Variants in TMEM132C observed in about 807,000 individuals in gnomAD.
The protein encoded by TMEM132C is transmembrane protein 132C.
Under a neutral mutation model 61.4 loss-of-function variants are expected in TMEM132C, and 29 were observed. That is an observed-to-expected ratio of 0.47 (90% confidence interval 0.35 to 0.64). The LOEUF (loss-of-function observed/expected upper bound fraction) is 0.64. Among genes scored for constraint, TMEM132C ranks in the 30% least tolerant of loss-of-function variants. TMEM132C has a pLI of 0.00. For synonymous variants in TMEM132C, 656 were observed against 633.1 expected, an observed-to-expected ratio of 1.04 and a Z score of -0.54; for missense variants, 1,408 against 1,476.9, an observed-to-expected ratio of 0.95 and a Z score of 0.76.
At position 128,669,412 on chromosome 12, in the gene TMEM132C, G is replaced by T. The variant is rs113236544; in HGVS notation, c.1306-5G>T. The T allele has an allele frequency of 3.4e-5, 53 of 1,551,300 alleles. No homozygotes were observed. In the Middle Eastern group the frequency reaches 5.0e-4, roughly 15 times the overall value. ...TGACCCAGTGTGTTTGATTCTTTTT[G>T]GCAGGACACTGAAATTCTGAACACC... is the stretch of plus-strand genomic sequence containing the variant. On this transcript the variant is annotated splice_polypyrimidine_tract_variant and splice_region_variant and intron_variant, in intron 4 of 8. Transcript: ENST00000435159.
At chr12:128,595,293 T>A (rs1174575139) in intron 3 of TMEM132C, among the ~76,000 whole-genome samples, 11 of 151,894 alleles carry the variant, frequency 7.2e-5, no homozygotes, top group Non-Finnish European at 1.6e-4. Context: ...GATGAAAGAG[T>A]TTGACATGAT....
At chr12:128,450,292 G>A (rs927484546) in intron 2 of TMEM132C, among the ~76,000 whole-genome samples, 1 of 152,106 alleles carries the variant, frequency 6.6e-6, no homozygotes, top group Non-Finnish European at 1.5e-5. Flanking sequence ...ACATTAAGAA[G>A]CCCTACCTTG....
intron 2 of TMEM132C, among the ~76,000 whole-genome samples, chr12:128,457,549 C>T (rs1593060487): frequency 6.7e-6 from 1 of 149,720 alleles, no homozygotes; most frequent in East Asian, 2.0e-4. Flanking sequence ...GCACTCCAGC[C>T]TGGGTGACAG....
intron 3 of TMEM132C, among the ~76,000 whole-genome samples, chr12:128,557,293 C>G (rs1488528919): frequency 2.0e-5 from 3 of 152,238 alleles, no homozygotes; most frequent in Non-Finnish European, 2.9e-5. Flanking sequence ...TCATTCCCAT[C>G]ATAGTCTGAC....
chr12:128,415,747 A>G lies in TMEM132C; in HGVS notation c.974+127A>G, dbSNP rs1213785623. 9 of 1,121,580 alleles carry G rather than the reference A, an allele frequency of 8.0e-6. No individual in the cohort carries two copies. The highest frequency in any genetic ancestry group is 1.1e-5 in the Non-Finnish European group (9 of 813,362). The allele number at this position is 1,121,580 out of a possible 1,614,324, so 69.5% of individuals were successfully genotyped here. ...CCTTCAGGGACCGTTTGGCATTAACAGGGGAAGGCAAATTATGCACCTGCC... is the reference window on the plus strand; with the variant it reads ...CCTTCAGGGACCGTTTGGCATTAACGGGGGAAGGCAAATTATGCACCTGCC... On this transcript the variant is annotated intron_variant, in intron 2 of 8. Coordinates refer to ENST00000435159, the MANE Select transcript of TMEM132C (RefSeq NM_001136103.3). This position sits in a 1 kb window ranked among gnomAD's most constrained non-coding sequence, Gnocchi z 5.8.
intron 4 of TMEM132C, among the ~76,000 whole-genome samples, chr12:128,643,372 T>A (rs1380778432): frequency 6.6e-6 from 1 of 152,162 alleles, no homozygotes; most frequent in African/African-American, 2.4e-5. Context: ...ACCCATTTGA[T>A]GTGGACCTCA....
chr12:128,339,318 G>A (rs537282463), intron 1 of TMEM132C, among the ~76,000 whole-genome samples: 1 of 152,038 alleles, frequency 6.6e-6, no homozygotes, highest in South Asian at 2.1e-4. Flanking sequence ...AGCCCAGGGG[G>A]TTGGAGGTCT....
Position 128,541,793 on chromosome 12 carries a change from G to T in TMEM132C, c.975-2164G>T, listed in dbSNP as rs536394704. ...TGTTTGGAGAGGCCATAGTGTCAAT[G>T]CCTGTTGCATTTTGGTCTTAGGATG... On this transcript the variant is annotated intron_variant, in intron 2 of 8. Transcript: ENST00000435159. 1.2e-4 allele frequency among the ~76,000 whole-genome samples: 18 copies of T among 152,252 alleles called. 1 individual carries two copies. In the East Asian group the frequency reaches 2.9e-3, roughly 25 times the overall value.
In TMEM132C at chr12:128,497,013, G is replaced by A. The variant is rs181210783; in HGVS notation, c.975-46944G>A. 3.2e-4 allele frequency among the ~76,000 whole-genome samples: 49 copies of A among 152,302 alleles called. No homozygotes were observed. In the East Asian group the frequency reaches 7.5e-3, roughly 23 times the overall value. On this transcript the variant is annotated intron_variant, in intron 2 of 8. Transcript: ENST00000435159. Reference sequence around the variant, plus strand: ...GGTGACATACAGATGGGGTTTTGGCGTGGATGTCCTTTCTGTTTGTTAGTT... The same window carrying A: ...GGTGACATACAGATGGGGTTTTGGCATGGATGTCCTTTCTGTTTGTTAGTT...
intron 3 of TMEM132C, among the ~76,000 whole-genome samples, chr12:128,578,205 C>T (rs1875192787): frequency 6.6e-6 from 1 of 152,212 alleles, no homozygotes; most frequent in Admixed American, 6.5e-5. Flanking sequence ...CTCCAAATGC[C>T]CCAAGAGAGC....
chr12:128,604,877 T>C (rs994686024), intron 3 of TMEM132C, among the ~76,000 whole-genome samples: 3 of 149,454 alleles, frequency 2.0e-5, no homozygotes, highest in African/African-American at 7.5e-5. Flanking sequence ...GATGGATAGA[T>C]GGATGATAGA....
rs529314334 is a variant in TMEM132C at position 128,593,263 on chromosome 12, C to T, written c.1122-22889C>T. Among the ~76,000 whole-genome samples the T allele has an allele frequency of 3.4e-5, 5 of 148,316 alleles. No homozygotes were observed. The East Asian group carries it at 1.0e-3, about 30-fold the overall frequency. ...TGTCCTTTCTTATCTTCTCTCTTAC[C>T]TCTCTCTCTTTCTTCTGTCTCCATT... On this transcript the variant is annotated intron_variant, in intron 3 of 8. Transcript: ENST00000435159.
At chr12:128,315,167 G>A (rs891802608) in intron 1 of TMEM132C, among the ~76,000 whole-genome samples, 1 of 152,104 alleles carries the variant, frequency 6.6e-6, no homozygotes, top group African/African-American at 2.4e-5. Context: ...AACCCTTGGA[G>A]GGGACATGCT....
At chr12:128,338,408 T>C (rs1872848332) in intron 1 of TMEM132C, among the ~76,000 whole-genome samples, 1 of 152,176 alleles carries the variant, frequency 6.6e-6, no homozygotes, top group Non-Finnish European at 1.5e-5. Flanking sequence ...GGGCATGTGC[T>C]CCTTCCTTGG....
chr12:128,370,219 T>C (rs1424622881), intron 1 of TMEM132C, among the ~76,000 whole-genome samples: 1 of 149,700 alleles, frequency 6.7e-6, no homozygotes, highest in East Asian at 2.0e-4. Context: ...ATCCACACCT[T>C]CCTGCAGTAA....
chr12:128,367,613 G>A (rs1370320347), intron 1 of TMEM132C, among the ~76,000 whole-genome samples: 1 of 152,092 alleles, frequency 6.6e-6, no homozygotes, highest in Non-Finnish European at 1.5e-5. Flanking sequence ...ATTTCCCAGT[G>A]ATTCTAGACC....
chr12:128,689,750 G>A (rs1414498409), intron 5 of TMEM132C, among the ~76,000 whole-genome samples: 1 of 152,172 alleles, frequency 6.6e-6, no homozygotes, highest in African/African-American at 2.4e-5. Flanking sequence ...GGGATGTAGA[G>A]GGTGCAAGGA....
chr12:128,269,772 T>C (rs1356319974), intron 1 of TMEM132C, among the ~76,000 whole-genome samples: 1 of 151,948 alleles, frequency 6.6e-6, no homozygotes, highest in African/African-American at 2.4e-5. Flanking sequence ...CCGTAAGATA[T>C]CTTCTAGAGA....
At chr12:128,658,977 G>A (rs934873045) in intron 4 of TMEM132C, among the ~76,000 whole-genome samples, 6 of 152,182 alleles carry the variant, frequency 3.9e-5, no homozygotes, top group Non-Finnish European at 5.9e-5. Flanking sequence ...TTCTGCAAAA[G>A]GAAGATGACT....
Sources: allele counts gnomAD v4.1 joint callset (sites outside exome capture counted in the v4.1 genomes callset), GRCh38; gene constraint gnomAD v4.1.1; non-coding constraint Gnocchi (gnomAD v3.1); transcripts MANE v1.5; gene names NCBI Gene and HGNC (gene_info 2026-07-23, HGNC 2026-07-21).